The following PNPLA1 variants were observed in gnomAD, a reference collection of about 807,000 sequenced individuals.
The protein encoded by PNPLA1 is patatin like domain 1, omega-hydroxyceramide transacylase, also known as omega-hydroxyceramide transacylase.
A neutral mutation model predicts 51.7 loss-of-function variants in PNPLA1; 36 were observed. That is an observed-to-expected ratio of 0.70 (90% CI 0.53 to 0.92). The LOEUF (loss-of-function observed/expected upper bound fraction) is 0.92, where lower values mean the gene tolerates loss of function less well. PNPLA1 is among the 40% of genes least tolerant of loss of function. The pLI is 0.00. For synonymous variants in PNPLA1, 293 were observed against 280.1 expected, an observed-to-expected ratio of 1.05 and a Z score of -0.46; for missense variants, 658 against 682.5, an observed-to-expected ratio of 0.96 and a Z score of 0.40.
chr6:36,280,534 C>T (rs892379773), intron 1 of PNPLA1, among the ~76,000 whole-genome samples: 1 of 152,180 alleles, frequency 6.6e-6, no homozygotes, highest in Non-Finnish European at 1.5e-5. Context: ...AGACACAAGC[C>T]ACTGGCACCT....
chr6:36,265,363 C>T (rs1769739299), upstream of PNPLA1, among the ~76,000 whole-genome samples: 1 of 152,000 alleles, frequency 6.6e-6, no homozygotes, highest in African/African-American at 2.4e-5. Flanking sequence ...AGTTATCAGA[C>T]CCCCACTGTA....
intron 1 of PNPLA1, among the ~76,000 whole-genome samples, chr6:36,251,993 C>T (rs898548760): frequency 2.8e-4 from 42 of 152,176 alleles, no homozygotes; most frequent in Middle Eastern, 3.4e-3. Flanking sequence ...AATGAATGAA[C>T]GATTAGTTAA....
At chr6:36,243,408 C>G (rs190356414) in intron 1 of PNPLA1, 3 of 152,252 alleles carry the variant, frequency 2.0e-5, no homozygotes, top group Non-Finnish European at 2.9e-5. Context: ...CAGTGTGTAA[C>G]TGGGGAGAGA....
intron 3 of PNPLA1, among the ~76,000 whole-genome samples, chr6:36,293,554 G>A (rs1040456880): frequency 2.0e-5 from 3 of 152,206 alleles, no homozygotes; most frequent in Non-Finnish European, 2.9e-5. Context: ...TGATCCAGGC[G>A]GTCTGAGGCA....
chr6:36,268,590 C>T (rs1043958279), upstream of PNPLA1, among the ~76,000 whole-genome samples: 2 of 152,204 alleles, frequency 1.3e-5, no homozygotes, highest in Admixed American at 6.5e-5. Context: ...ACACCTCCGC[C>T]GCACAGCTCC....
At chr6:36,267,715 C>T (rs1361830400), upstream of PNPLA1, among the ~76,000 whole-genome samples, 1 of 152,144 alleles carries the variant, frequency 6.6e-6, no homozygotes, top group Non-Finnish European at 1.5e-5. Context: ...CCACACCCTC[C>T]TCCGCCTGCT....
At chr6:36,261,093 T>G (rs143701332) in intron 1 of PNPLA1, among the ~76,000 whole-genome samples, 81 of 152,324 alleles carry the variant, frequency 5.3e-4, no homozygotes, top group Non-Finnish European at 6.2e-4. Context: ...CTTCCCAAAG[T>G]GCTGGGATTT....
chr6:36,271,819 C>T (rs542736955), intron 1 of PNPLA1, among the ~76,000 whole-genome samples: 5 of 152,312 alleles, frequency 3.3e-5, no homozygotes, highest in South Asian at 4.1e-4. Context: ...GGAGCACAGA[C>T]GGCTGTGACA....
intron 1 of PNPLA1, among the ~76,000 whole-genome samples, chr6:36,260,921 T>G (rs565937838): frequency 6.6e-6 from 1 of 152,198 alleles, no homozygotes; most frequent in Non-Finnish European, 1.5e-5. Context: ...CCTCCCAGGC[T>G]CAAGCAATCC....
At chr6:36,309,080 G>T (rs1771329924) in intron 8 of PNPLA1, among the ~76,000 whole-genome samples, 1 of 152,154 alleles carries the variant, frequency 6.6e-6, no homozygotes, top group Non-Finnish European at 1.5e-5. Flanking sequence ...TCCCTGGATG[G>T]GCACAGGGAT....
At chr6:36,292,132 G>A (rs923944077) in intron 2 of PNPLA1, among the ~76,000 whole-genome samples, 2 of 152,102 alleles carry the variant, frequency 1.3e-5, no homozygotes, top group African/African-American at 4.8e-5. Context: ...AGTGTCTTTC[G>A]GGACAAAGGG....
At position 36,307,659 on chromosome 6, in the gene PNPLA1, C is replaced by T; in HGVS notation, c.1542C>T (p.Thr514=). ...AGAACAAGCAAAAGACAAGTGGCAC[C>T]AGAAAAGGCTTCCCAAGACATTCGG... The part of the protein sequence containing the change: ...FKKNKQKTSG[T]RKGFPRHSGS... Residue 514 remains threonine, a synonymous_variant, in exon 8 of 9, where the codon ACC becomes ACT. Transcript: ENST00000636260. The T allele has an allele frequency of 6.2e-7, 1 of 1,613,952 alleles. No individual in the cohort carries two copies. Among genetic ancestry groups the T allele is most frequent in the Non-Finnish European group, 8.5e-7 (1 of 1,179,982 alleles).
At chr6:36,252,020 C>T (rs1002220872) in intron 1 of PNPLA1, among the ~76,000 whole-genome samples, 13 of 152,240 alleles carry the variant, frequency 8.5e-5, no homozygotes, top group Admixed American at 7.2e-4. Context: ...GAATGAATAG[C>T]GGCAGTGTCA....
intron 1 of PNPLA1, among the ~76,000 whole-genome samples, chr6:36,273,756 G>GAAAAAACAAAA (rs1582051172): frequency 1.0e-5 from 1 of 100,078 alleles, no homozygotes; most frequent in African/African-American, 4.0e-5. Flanking sequence ...AAAAAAAGAT[G>GAAAAAACAAAA]AAGAAAGAAA....
intron 1 of PNPLA1, among the ~76,000 whole-genome samples, chr6:36,245,469 C>G (rs1306018135): frequency 6.6e-6 from 1 of 152,174 alleles, no homozygotes; most frequent in African/African-American, 2.4e-5. Context: ...TGGAACTTCC[C>G]TTGAAAGAAC....
intron 1 of PNPLA1, among the ~76,000 whole-genome samples, chr6:36,274,451 GTC>G (rs1458037045): frequency 2.0e-5 from 3 of 152,144 alleles, no homozygotes; most frequent in African/African-American, 7.2e-5. Context: ...AGAAGCAAAA[GTC>G]TCATCGTTAG....
In PNPLA1 at chr6:36,294,374, A is replaced by G. The variant is rs1019244660; in HGVS notation, c.689A>G (p.His230Arg). The G allele has an allele frequency of 1.2e-6, 2 of 1,614,080 alleles. No homozygotes were observed. The highest frequency in any genetic ancestry group is 8.5e-7 in the Non-Finnish European group (1 of 1,180,004). ...FSLENIARMTHALFPPDLVIL... is the reference protein window; with the variant it reads ...FSLENIARMTRALFPPDLVIL... ...CTGGAGAACATCGCCAGGATGACCC[A>G]CGCATTGTTCCCCCCGGACCTGGTG... is the stretch of plus-strand genomic sequence containing the variant. Residue 230 changes from histidine (H) to arginine (R), a missense_variant, in exon 4 of 9, where the codon CAC (histidine) becomes CGC (arginine). Coordinates refer to ENST00000636260, the MANE Select transcript of PNPLA1 (RefSeq NM_001374623.1). This position sits in a 1 kb window ranked among gnomAD's most constrained non-coding sequence, Gnocchi z 4.2.
intron 1 of PNPLA1, among the ~76,000 whole-genome samples, chr6:36,273,728 C>CAAAAAAAAAAAAAAAAAAAAAAA (rs57186870): frequency 3.5e-4 from 17 of 48,222 alleles, no homozygotes; most frequent in Middle Eastern, 0.016. Flanking sequence ...GACCCCATCG[C>CAAAAAAAAAAAAAAAAAAAAAAA]AAAAAAAAAA....
At chr6:36,310,987 C>G (rs1771395891) in intron 8 of PNPLA1, among the ~76,000 whole-genome samples, 1 of 152,138 alleles carries the variant, frequency 6.6e-6, no homozygotes. Flanking sequence ...TTGGGAGGGT[C>G]CCGGGGCAGT....
Sources: allele counts gnomAD v4.1 joint callset (sites outside exome capture counted in the v4.1 genomes callset), GRCh38; gene constraint gnomAD v4.1.1; non-coding constraint Gnocchi (gnomAD v3.1); transcripts MANE v1.5; gene names NCBI Gene and HGNC (gene_info 2026-07-23, HGNC 2026-07-21).